The following LRRTM4 variants were observed in gnomAD, a reference collection of about 807,000 sequenced individuals.
LRRTM4 encodes leucine rich repeat transmembrane neuronal 4, also known as leucine-rich repeat transmembrane neuronal protein 4.
LRRTM4 carries 25 observed loss-of-function variants against 47.6 expected under a neutral mutation model. That is an observed-to-expected ratio of 0.53 (90% CI 0.38 to 0.73). The LOEUF is 0.73. Ranked by LOEUF, LRRTM4 falls within the 30% of genes least tolerant of loss-of-function variation. LRRTM4 has a pLI of 0.00. For missense variants in LRRTM4, 638 were observed against 713.4 expected (o/e 0.89, Z 1.20); for synonymous variants, 311 against 269.5 (o/e 1.15, Z -1.51).
intron 3 of LRRTM4, among the ~76,000 whole-genome samples, chr2:77,112,884 G>A (rs1671287431): frequency 6.6e-6 from 1 of 152,114 alleles, no homozygotes; most frequent in Non-Finnish European, 1.5e-5. Flanking sequence ...GGAACGCATG[G>A]CCATTTTACA....
intron 3 of LRRTM4, among the ~76,000 whole-genome samples, chr2:77,404,208 C>T (rs572878500): frequency 6.6e-6 from 1 of 151,980 alleles, no homozygotes; most frequent in East Asian, 1.9e-4. Context: ...TAGCAAGTCA[C>T]TCCAGTTTAT....
chr2:76,765,822 C>G (rs994347452), intron 3 of LRRTM4, among the ~76,000 whole-genome samples: 1 of 152,160 alleles, frequency 6.6e-6, no homozygotes, highest in Non-Finnish European at 1.5e-5. Flanking sequence ...TCACCATGGC[C>G]TGGTAAGGCT....
At chr2:76,785,272 G>A (rs1433665033) in intron 3 of LRRTM4, among the ~76,000 whole-genome samples, 32 of 152,054 alleles carry the variant, frequency 2.1e-4, no homozygotes, top group Non-Finnish European at 1.3e-4. Flanking sequence ...TCTCAAATGT[G>A]GGACTACAGT....
At chr2:76,846,268 C>T (rs1467084727) in intron 3 of LRRTM4, among the ~76,000 whole-genome samples, 2 of 152,120 alleles carry the variant, frequency 1.3e-5, no homozygotes, top group Admixed American at 1.3e-4. Flanking sequence ...CTCCCAAGGG[C>T]TGCCCTGCAC....
At chr2:77,357,463 C>T (rs1672010102) in intron 3 of LRRTM4, among the ~76,000 whole-genome samples, 1 of 152,098 alleles carries the variant, frequency 6.6e-6, no homozygotes, top group Non-Finnish European at 1.5e-5. Flanking sequence ...CCCCAATATT[C>T]CTGGTCCTCC....
intron 3 of LRRTM4, among the ~76,000 whole-genome samples, chr2:77,047,687 T>C (rs1376981573): frequency 6.6e-6 from 1 of 152,076 alleles, no homozygotes; most frequent in Non-Finnish European, 1.5e-5. Flanking sequence ...CTTCCCTTTA[T>C]CTTAACATAT....
intron 3 of LRRTM4, among the ~76,000 whole-genome samples, chr2:77,049,157 T>TATATATATATATATATATACACAC (rs1351971551): frequency 9.4e-6 from 1 of 106,360 alleles, no homozygotes; most frequent in African/African-American, 5.0e-5. Context: ...TATATATATA[T>TATATATATATATATATATACACAC]ACACACACAC....
At chr2:77,384,237 A>T (rs573423478) in intron 3 of LRRTM4, among the ~76,000 whole-genome samples, 28 of 151,634 alleles carry the variant, frequency 1.8e-4, no homozygotes, top group African/African-American at 5.1e-4. Flanking sequence ...TTTTTTTTTA[A>T]AAATTCACTA....
intron 3 of LRRTM4, among the ~76,000 whole-genome samples, chr2:77,043,685 C>T (rs1393235859): frequency 1.3e-5 from 2 of 151,754 alleles, no homozygotes; most frequent in African/African-American, 2.4e-5. Context: ...GTGCAGATTA[C>T]AGCCAAACTT....
chr2:77,355,122 G>C (rs151237000), intron 3 of LRRTM4, among the ~76,000 whole-genome samples: 27 of 152,208 alleles, frequency 1.8e-4, no homozygotes, highest in African/African-American at 6.5e-4. Flanking sequence ...ACTTGCCACT[G>C]ATGTTTACCA....
At chr2:76,796,633 G>A (rs1473566348) in intron 3 of LRRTM4, among the ~76,000 whole-genome samples, 1 of 107,292 alleles carries the variant, frequency 9.3e-6, no homozygotes, top group Non-Finnish European at 1.8e-5. Flanking sequence ...CAAACAGAAA[G>A]GACATCCACA....
intron 3 of LRRTM4, among the ~76,000 whole-genome samples, chr2:77,023,837 T>G (rs1678357982): frequency 6.6e-6 from 1 of 152,172 alleles, no homozygotes; most frequent in South Asian, 2.1e-4. Context: ...TGTTATCCAG[T>G]TCCAAAGTCA....
At chr2:76,945,409 T>C (rs1213152705) in intron 3 of LRRTM4, among the ~76,000 whole-genome samples, 1 of 152,028 alleles carries the variant, frequency 6.6e-6, no homozygotes, top group African/African-American at 2.4e-5. Flanking sequence ...AGATTGAAAA[T>C]GGCCCTATAA....
chr2:77,439,147 C>G (rs184313585), intron 3 of LRRTM4, among the ~76,000 whole-genome samples: 1 of 152,242 alleles, frequency 6.6e-6, no homozygotes, highest in East Asian at 1.9e-4. Flanking sequence ...AAGACATTAC[C>G]CTTTCAAGCC....
At chr2:76,819,731 G>A (rs1158563190) in intron 3 of LRRTM4, among the ~76,000 whole-genome samples, 1 of 151,844 alleles carries the variant, frequency 6.6e-6, no homozygotes, top group Admixed American at 6.6e-5. Context: ...ATCTTTCATT[G>A]AGAAAATAGA....
At chr2:77,049,485 T>G (rs1028283318) in intron 3 of LRRTM4, among the ~76,000 whole-genome samples, 7 of 151,842 alleles carry the variant, frequency 4.6e-5, no homozygotes, top group Non-Finnish European at 8.8e-5. Flanking sequence ...TAGCAGCCAT[T>G]CTAGCTAGAG....
chr2:77,158,928 G>T (rs1463609535), intron 3 of LRRTM4, among the ~76,000 whole-genome samples: 2 of 151,552 alleles, frequency 1.3e-5, no homozygotes, highest in Admixed American at 6.6e-5. Context: ...CAAAATATAG[G>T]TATCTCAGAA....
intron 3 of LRRTM4, among the ~76,000 whole-genome samples, chr2:76,892,862 A>T (rs1673298335): frequency 6.6e-6 from 1 of 151,662 alleles, no homozygotes; most frequent in Non-Finnish European, 1.5e-5. Context: ...TTTATTTGGG[A>T]AATATTGACT....
intron 3 of LRRTM4, among the ~76,000 whole-genome samples, chr2:77,071,994 T>G (rs1004576249): frequency 6.6e-6 from 1 of 152,202 alleles, no homozygotes; most frequent in Non-Finnish European, 1.5e-5. Context: ...TATTTTAGTT[T>G]GGATCATTGA....
Sources: gnomAD v4.1 joint callset for allele counts (sites outside exome capture counted in the v4.1 genomes callset) on GRCh38, gnomAD v4.1.1 for gene constraint, MANE v1.5 for transcripts, NCBI Gene and HGNC (gene_info 2026-07-23, HGNC 2026-07-21) for gene names.